ZBTB8OS: variants seen among roughly 807,000 people sequenced by gnomAD.
ZBTB8OS encodes tRNA splicing ligase complex subunit 1, also known as tRNA-splicing ligase-activating factor archease.
ZBTB8OS carries 16 observed loss-of-function variants against 29.3 expected under a neutral mutation model. The observed-to-expected ratio is 0.55, with a 90% confidence interval of 0.37 to 0.83. ZBTB8OS has a LOEUF of 0.83. Among genes scored for constraint, ZBTB8OS ranks in the 40% least tolerant of loss-of-function variants. ZBTB8OS has a pLI of 0.00. For missense variants in ZBTB8OS, 160 were observed against 196.9 expected, an observed-to-expected ratio of 0.81 and a Z score of 1.12; for synonymous variants, 70 against 64.6, an observed-to-expected ratio of 1.08 and a Z score of -0.40.
intron 1 of ZBTB8OS, chr1:32,640,045 A>G (rs1028683449): frequency 2.6e-5 from 4 of 152,098 alleles, no homozygotes; most frequent in African/African-American, 9.7e-5. Flanking sequence ...TTACTTAACT[A>G]GCCTTTTAAA....
intron 1 of ZBTB8OS, among the ~76,000 whole-genome samples, chr1:32,638,712 A>G (rs931928938): frequency 1.3e-5 from 2 of 152,078 alleles, no homozygotes; most frequent in African/African-American, 4.8e-5. Context: ...TAGGAGTTCG[A>G]GAACAGCCTG....
At chr1:32,627,390 C>G in intron 6 of ZBTB8OS, 118 bp downstream of exon 6, 1 of 879,744 alleles carries the variant, frequency 1.1e-6, no homozygotes, top group South Asian at 1.5e-5. Flanking sequence ...GTCAGAGAAG[C>G]TTGAGAAAAA....
chr1:32,643,987 C>T (rs963858633), intron 1 of ZBTB8OS, among the ~76,000 whole-genome samples: 5 of 151,724 alleles, frequency 3.3e-5, no homozygotes, highest in African/African-American at 1.2e-4. Flanking sequence ...GACCTAGAGA[C>T]GGCTAATGCT....
chr1:32,634,885 A>G, intron 1 of ZBTB8OS, 93 bp from the exon 2 acceptor site: 1 of 910,648 alleles, frequency 1.1e-6, no homozygotes, highest in Non-Finnish European at 1.9e-6. Context: ...TATTAGGAAT[A>G]TCATCTTTAA....
intron 1 of ZBTB8OS, among the ~76,000 whole-genome samples, chr1:32,649,511 T>C (rs1647119538): frequency 1.3e-5 from 2 of 151,978 alleles, no homozygotes; most frequent in Admixed American, 6.6e-5. Flanking sequence ...AAAGATAGGT[T>C]ATGTGATTTG....
intron 2 of ZBTB8OS, 105 bp downstream of exon 2, chr1:32,634,663 G>T: frequency 7.0e-7 from 1 of 1,433,994 alleles, no homozygotes; most frequent in Non-Finnish European, 9.8e-7. Context: ...TATTGTGAAG[G>T]AACCAAAATG....
intron 6 of ZBTB8OS, among the ~76,000 whole-genome samples, chr1:32,623,964 C>T (rs1481583837): frequency 6.6e-6 from 1 of 152,266 alleles, no homozygotes; most frequent in South Asian, 2.1e-4. Context: ...TTCCACCATG[C>T]TGTTCTAGTG....
intron 1 of ZBTB8OS, among the ~76,000 whole-genome samples, chr1:32,640,797 T>C (rs537879474): frequency 1.3e-5 from 2 of 152,198 alleles, no homozygotes; most frequent in Admixed American, 6.5e-5. Context: ...TCATCAGGCC[T>C]GAAAATTTTA....
chr1:32,633,871 T>C, intron 3 of ZBTB8OS, 80 bp downstream of exon 3: 1 of 1,511,980 alleles, frequency 6.6e-7, no homozygotes, highest in Non-Finnish European at 8.8e-7. Flanking sequence ...TTTGTGAAAA[T>C]ATACTCAGAT....
chr1:32,638,355 G>A lies in ZBTB8OS; in HGVS notation c.98-3563C>T, dbSNP rs534557256. Among the ~76,000 whole-genome samples, 4 of 149,568 alleles carry A rather than the reference G, an allele frequency of 2.7e-5. No homozygotes were observed. In the East Asian group the frequency reaches 8.0e-4, roughly 30 times the overall value. ...TTACAGGCATGCGCCACCATGCCCA[G>A]CTAATTTTTGTATTTTTAGTAGAGA... On this transcript the variant is annotated intron_variant, in intron 1 of 6. Transcript: ENST00000468695.
At chr1:32,644,316 G>A (rs1646667361) in intron 1 of ZBTB8OS, among the ~76,000 whole-genome samples, 1 of 152,076 alleles carries the variant, frequency 6.6e-6, no homozygotes, top group Admixed American at 6.6e-5. Context: ...AGTCCTTGAG[G>A]AAGGGGCTGC....
chr1:32,634,827 T>TA, intron 1 of ZBTB8OS, 35 bp from the exon 2 acceptor site: 3 of 1,348,976 alleles, frequency 2.2e-6, no homozygotes, highest in Non-Finnish European at 1.1e-6. Flanking sequence ...TATAAGACAC[T>TA]AAACTTGACT....
chr1:32,633,396 TAGGTACA>T lies in ZBTB8OS; in HGVS notation c.327+242_327+248del. ...CAGAAAAAAATGTGGATGAAAACTG[TAGGTACA>T]TTTTTATCACACAATCCTGATTAGT... On this transcript the variant is annotated intron_variant, in intron 4 of 6. Coordinates refer to ENST00000468695, the MANE Select transcript of ZBTB8OS (RefSeq NM_178547.5). 3 of 382,838 alleles carry T rather than the reference TAGGTACA, an allele frequency of 7.8e-6. No individual in the cohort carries two copies. In the South Asian group the frequency reaches 1.5e-4, roughly 19 times the overall value. The allele number at this position is 382,838 out of a possible 1,614,324, so 23.7% of individuals were successfully genotyped here.
intron 1 of ZBTB8OS, among the ~76,000 whole-genome samples, chr1:32,646,969 GA>G (rs1214983644): frequency 6.9e-6 from 1 of 145,300 alleles, no homozygotes; most frequent in African/African-American, 2.6e-5. Flanking sequence ...TTGAACCCAG[GA>G]GGCGGAGGTT....
chr1:32,642,397 G>A (rs1405440013), intron 1 of ZBTB8OS, among the ~76,000 whole-genome samples: 2 of 151,634 alleles, frequency 1.3e-5, no homozygotes, highest in Non-Finnish European at 2.9e-5. Context: ...CCAGCTACTC[G>A]GGAGGGTGAG....
chr1:32,634,504 CG>C, intron 2 of ZBTB8OS: 1 of 528,506 alleles, frequency 1.9e-6, no homozygotes. Flanking sequence ...GGATTACAGG[CG>C]TTGAGCCACC....
chr1:32,638,384 GGTTTCACCAT>G (rs1250414466), intron 1 of ZBTB8OS, among the ~76,000 whole-genome samples: 2 of 151,294 alleles, frequency 1.3e-5, no homozygotes, highest in Non-Finnish European at 2.9e-5. Context: ...GTAGAGACGG[GGTTTCACCAT>G]GTTGGCCAGG....
At chr1:32,647,207 A>G (rs1475294930) in intron 1 of ZBTB8OS, among the ~76,000 whole-genome samples, 3 of 150,918 alleles carry the variant, frequency 2.0e-5, no homozygotes, top group Admixed American at 6.6e-5. Context: ...CATCTCTACT[A>G]AAAATACAAA....
chr1:32,630,873 C>T (rs1283223905), intron 5 of ZBTB8OS, among the ~76,000 whole-genome samples: 2 of 151,850 alleles, frequency 1.3e-5, no homozygotes, highest in East Asian at 3.9e-4. Flanking sequence ...ATTAGCCAGG[C>T]GTGGTAGCAG....
Sources: gnomAD v4.1 joint callset for allele counts (sites outside exome capture counted in the v4.1 genomes callset) on GRCh38, gnomAD v4.1.1 for gene constraint, MANE v1.5 for transcripts, NCBI Gene and HGNC (gene_info 2026-07-23, HGNC 2026-07-21) for gene names.